The following PLEK variants were observed in gnomAD, a reference collection of about 807,000 sequenced individuals.
PLEK encodes the protein platelet 47 kDa protein.
Under a neutral mutation model 43.9 loss-of-function variants are expected in PLEK, and 25 were observed. The ratio of observed to expected loss-of-function variants is 0.57; its 90% CI spans 0.41 to 0.79. The LOEUF is 0.79. PLEK is among the 30% of genes least tolerant of loss of function. The probability of loss-of-function intolerance (pLI) is 0.00; values close to 1 mark genes in which losing one functional copy is unlikely to be tolerated. For missense variants in PLEK, 396 were observed against 413.3 expected (o/e 0.96, Z 0.36); for synonymous variants, 152 against 144.4 (o/e 1.05, Z -0.38).
chr2:68,385,697 A>G (rs1444899553), intron 4 of PLEK, among the ~76,000 whole-genome samples: 1 of 152,062 alleles, frequency 6.6e-6, no homozygotes, highest in Non-Finnish European at 1.5e-5. Flanking sequence ...CCTGCTTCAT[A>G]TGCTTGGCAA....
chr2:68,372,263 T>C (rs1422736698), intron 1 of PLEK, among the ~76,000 whole-genome samples: 1 of 150,440 alleles, frequency 6.6e-6, no homozygotes, highest in African/African-American at 2.4e-5. Flanking sequence ...AATCTCCACC[T>C]CTTGGGTTCA....
At chr2:68,367,302 A>G (rs1245082197) in intron 1 of PLEK, among the ~76,000 whole-genome samples, 1 of 151,620 alleles carries the variant, frequency 6.6e-6, no homozygotes, top group African/African-American at 2.4e-5. Flanking sequence ...TCAGGAGTAT[A>G]GGTACAGGCT....
At chr2:68,377,950 T>G (rs1290727750) in intron 1 of PLEK, among the ~76,000 whole-genome samples, 1 of 152,180 alleles carries the variant, frequency 6.6e-6, no homozygotes, top group African/African-American at 2.4e-5. Context: ...CACCTGACAA[T>G]ATGATGGTGA....
chr2:68,380,846 A>C lies in PLEK; in HGVS notation c.322A>C (p.Lys108Gln), dbSNP rs34515106. The C allele has an allele frequency of 3.3e-3, 5,346 of 1,614,058 alleles. 121 individuals are homozygous for C. In the South Asian group the frequency reaches 0.042, roughly 13 times the overall value. Residue 108 changes from lysine to glutamine, a missense_variant, in exon 3 of 9, where the codon AAA becomes CAA. Lys to Gln is a moderately conservative substitution (Grantham distance 53). Coordinates refer to ENST00000234313, the MANE Select transcript of PLEK (RefSeq NM_002664.3). ...CATTAAATGCATTGAAGGAGGCCAG[A>C]AATTTGCCAGGAAATCTACCAGGAG... ...KAIKCIEGGQ[K>Q]FARKSTRRSI...
At position 68,397,314 on chromosome 2, in the gene PLEK, A is replaced by C. The variant is rs1491000965; in HGVS notation, c.*1498A>C. 1 of 152,168 alleles carries C rather than the reference A, an allele frequency of 6.6e-6. No individual in the cohort carries two copies. The highest frequency in any genetic ancestry group is 2.4e-5 in the African/African-American group (1 of 41,430). The allele number at this position is 152,168 out of a possible 1,614,324, so 9.4% of individuals were successfully genotyped here. Reference sequence around the variant, plus strand: ...GGTTTTATCAATAGCCTAGAGGTAAAGAACTGTCTTTTTCTCTGATTCTTT... The same window carrying C: ...GGTTTTATCAATAGCCTAGAGGTAACGAACTGTCTTTTTCTCTGATTCTTT... On this transcript the variant is annotated 3_prime_UTR_variant, in exon 9 of 9. Transcript: ENST00000234313.
chr2:68,386,866 C>T (rs890798993), intron 5 of PLEK, among the ~76,000 whole-genome samples, 180 bp downstream of exon 5: 1 of 152,170 alleles, frequency 6.6e-6, no homozygotes, highest in African/African-American at 2.4e-5. Context: ...GTTATACCAG[C>T]ATTTCCCAAC....
chr2:68,386,702 CA>C lies in PLEK; in HGVS notation c.657+17del. The stretch of plus-strand genomic sequence containing the variant: ...CTACTACTTTGTAAGAAAAGCTCCC[CA>C]TCTCTTCTTCCTGTAAGGGAGGCTG... On this transcript the variant is annotated intron_variant, in intron 5 of 8. Transcript: ENST00000234313. 6.3e-7 allele frequency: 1 copy of C among 1,598,502 alleles called. No individual in the cohort carries two copies. The highest frequency in any genetic ancestry group is 8.6e-7 in the Non-Finnish European group (1 of 1,166,746).
Position 68,382,544 on chromosome 2 carries a change from C to T in PLEK, c.383C>T (p.Ala128Val). 6.4e-7 allele frequency: 1 copy of T among 1,554,080 alleles called. No individual in the cohort carries two copies. The highest frequency in any genetic ancestry group is 8.9e-7 in the Non-Finnish European group (1 of 1,126,180). ...IRLPETIDLG[A>V]LYLSMKDTEK... ...TTTGCTTTTTTATCTCTGTGCAGTG[C>T]CTTATATTTGTCCATGAAAGACACT... The change falls in exon 4 of 9, where the codon GCC (alanine) becomes GTC (valine). Residue 128 changes from alanine to valine, a missense_variant and splice_region_variant. Coordinates refer to ENST00000234313, the MANE Select transcript of PLEK (RefSeq NM_002664.3).
intron 3 of PLEK, among the ~76,000 whole-genome samples, 196 bp downstream of exon 3, chr2:68,381,100 C>T (rs547599245): frequency 1.9e-4 from 29 of 151,020 alleles, no homozygotes; most frequent in South Asian, 4.2e-4. Flanking sequence ...GGAGAGGAGG[C>T]GAATGGAGTA....
intron 8 of PLEK, 117 bp from the exon 9 acceptor site, chr2:68,395,563 A>G (rs1193179957): frequency 3.9e-6 from 4 of 1,035,072 alleles, no homozygotes; most frequent in Non-Finnish European, 6.0e-6. Context: ...TGAAAGCCAC[A>G]TAGTCAATTT....
intron 6 of PLEK, among the ~76,000 whole-genome samples, chr2:68,390,112 G>C (rs1010831612): frequency 1.1e-4 from 16 of 152,310 alleles, no homozygotes; most frequent in Admixed American, 5.9e-4. Flanking sequence ...ACCTGGGATG[G>C]TCAAAAATTG....
intron 1 of PLEK, 40 bp downstream of exon 1, chr2:68,365,433 G>T (rs1430823453): frequency 6.5e-7 from 1 of 1,540,884 alleles, no homozygotes; most frequent in East Asian, 2.2e-5. Flanking sequence ...CAGTGGACAT[G>T]GGCTGGGGAG....
Position 68,386,603 on chromosome 2 carries a change from C to A in PLEK, c.574C>A (p.Pro192Thr). Reference sequence around the variant, plus strand: ...GCTGCTCAATGAGGGGTATCTGCAGCCTGCTGGAGACATGTCCAAGAGTGC... The same window carrying A: ...GCTGCTCAATGAGGGGTATCTGCAGACTGCTGGAGACATGTCCAAGAGTGC... ...SSLLNEGYLQ[P>T]AGDMSKSAVD... Residue 192 changes from proline to threonine, a missense_variant, in exon 5 of 9, where the codon CCT becomes ACT. Coordinates refer to ENST00000234313, the MANE Select transcript of PLEK (RefSeq NM_002664.3). 1 of 1,613,806 alleles carries A rather than the reference C, an allele frequency of 6.2e-7. No individual in the cohort carries two copies. Among genetic ancestry groups the A allele is most frequent in the Non-Finnish European group, 8.5e-7 (1 of 1,179,704 alleles).
chr2:68,381,284 C>A (rs1673608541), intron 3 of PLEK, among the ~76,000 whole-genome samples: 1 of 152,144 alleles, frequency 6.6e-6, no homozygotes, highest in Admixed American at 6.5e-5. Flanking sequence ...GTTTCAAGTT[C>A]AAGTTCATTC....
intron 6 of PLEK, among the ~76,000 whole-genome samples, chr2:68,388,961 G>C (rs535482887): frequency 6.6e-6 from 1 of 152,258 alleles, no homozygotes; most frequent in South Asian, 2.1e-4. Flanking sequence ...GGCATGACAA[G>C]ACCAAAACCT....
intron 1 of PLEK, among the ~76,000 whole-genome samples, chr2:68,372,533 T>G (rs2103760513): frequency 6.6e-6 from 1 of 152,280 alleles, no homozygotes; most frequent in East Asian, 1.9e-4. Flanking sequence ...CTTCTTTTGA[T>G]GTCATGCAAT....
At chr2:68,370,024 A>C (rs1323373618) in intron 1 of PLEK, among the ~76,000 whole-genome samples, 2 of 152,244 alleles carry the variant, frequency 1.3e-5, no homozygotes, top group Admixed American at 1.3e-4. Flanking sequence ...GATGGATCAG[A>C]TTGGAAAACT....
intron 1 of PLEK, 128 bp from the exon 2 acceptor site, chr2:68,380,200 G>T: frequency 1.4e-6 from 1 of 697,994 alleles, no homozygotes. Flanking sequence ...TGTGTTGAAG[G>T]AACAGAGATG....
chr2:68,368,280 C>A (rs777495989), intron 1 of PLEK, among the ~76,000 whole-genome samples: 5 of 152,358 alleles, frequency 3.3e-5, no homozygotes, highest in Non-Finnish European at 7.3e-5. Flanking sequence ...AAAAAGAGCA[C>A]TTCTAGCCAA....
Sources: allele counts gnomAD v4.1 joint callset (sites outside exome capture counted in the v4.1 genomes callset), GRCh38; gene constraint gnomAD v4.1.1; transcripts MANE v1.5; gene names NCBI Gene and HGNC (gene_info 2026-07-23, HGNC 2026-07-21).